The following KIAA0319L variants were observed in gnomAD, a reference collection of about 807,000 sequenced individuals.
KIAA0319L encodes dyslexia-associated protein KIAA0319-like protein.
A neutral mutation model predicts 120.1 loss-of-function variants in KIAA0319L; 55 were observed. That is an observed-to-expected ratio of 0.46 (90% CI 0.37 to 0.57). The LOEUF is 0.57. Ranked by LOEUF, KIAA0319L falls within the 20% of genes least tolerant of loss-of-function variation. KIAA0319L has a pLI of 0.00. For missense variants in KIAA0319L, 1,049 were observed against 1,255.3 expected, an observed-to-expected ratio of 0.84 and a Z score of 2.48; for synonymous variants, 398 against 471.9, an observed-to-expected ratio of 0.84 and a Z score of 2.03.
intron 6 of KIAA0319L, among the ~76,000 whole-genome samples, chr1:35,467,358 A>T (rs900623997): frequency 2.1e-5 from 3 of 142,262 alleles, no homozygotes; most frequent in Admixed American, 6.9e-5. Context: ...AACTTAATAT[A>T]AAAAAAAAAC....
chr1:35,457,231 G>C (rs939801122), intron 9 of KIAA0319L, among the ~76,000 whole-genome samples: 1 of 152,054 alleles, frequency 6.6e-6, no homozygotes, highest in Non-Finnish European at 1.5e-5. Context: ...TGATTCCAAA[G>C]CTCAGAAACC....
intron 2 of KIAA0319L, among the ~76,000 whole-genome samples, chr1:35,530,521 C>T (rs1460386134): frequency 3.3e-5 from 5 of 152,030 alleles, no homozygotes; most frequent in Non-Finnish European, 1.5e-5. Flanking sequence ...TATCTGTGTT[C>T]CCATGCATAT....
chr1:35,439,558 G>C (rs1406595243), intron 20 of KIAA0319L: 1 of 152,256 alleles, frequency 6.6e-6, no homozygotes, highest in Non-Finnish European at 1.5e-5. Context: ...CTAATCATGA[G>C]ACAGCGAGAG....
Position 35,450,263 on chromosome 1 carries a change from G to C in KIAA0319L, c.2214+95C>G, listed in dbSNP as rs1570639052. ...GGATTTCAGAGAACAATCTGGGTTT[G>C]ATATAAGGGACCACTTGATTAAAGC... is the stretch of plus-strand genomic sequence containing the variant. On this transcript the variant is annotated intron_variant, in intron 14 of 20. Coordinates refer to ENST00000325722, the MANE Select transcript of KIAA0319L (RefSeq NM_024874.5). 3 of 1,321,168 alleles carry C rather than the reference G, an allele frequency of 2.3e-6. No individual in the cohort carries two copies. The East Asian group carries it at 6.9e-5, about 31-fold the overall frequency. 81.8% of individuals were successfully genotyped at this position (1,321,168 alleles called of 1,614,324 possible). A position where few individuals can be genotyped will look rare whatever the true frequency, so the allele number is the denominator to read the frequency against.
At chr1:35,454,117 T>C (rs1642262569) in intron 11 of KIAA0319L, 1 of 492,090 alleles carries the variant, frequency 2.0e-6, no homozygotes, top group Admixed American at 3.4e-5. Flanking sequence ...AAACTCTATT[T>C]CCTAGGTCTC....
chr1:35,532,652 T>C (rs1646416495), intron 2 of KIAA0319L, among the ~76,000 whole-genome samples: 1 of 152,204 alleles, frequency 6.6e-6, no homozygotes, highest in South Asian at 2.1e-4. Flanking sequence ...GATGAAAATA[T>C]ACTCCAATTT....
Position 35,470,864 on chromosome 1 carries a change from T to G in KIAA0319L, c.1112A>C (p.Lys371Thr), listed in dbSNP as rs759772487. 2.5e-6 allele frequency: 4 copies of G among 1,602,520 alleles called. No homozygotes were observed. The highest frequency in any genetic ancestry group is 2.6e-6 in the Non-Finnish European group (3 of 1,169,394). Reference sequence around the variant, plus strand: ...GCAAGTGAAAGGAGGCAAATTCACCTTCGATAGTTTGAGGATCTGGGAATG... The same window carrying G: ...GCAAGTGAAAGGAGGCAAATTCACCGTCGATAGTTTGAGGATCTGGGAATG... Reference protein sequence around the residue: ...GKHSQILKLSKLTPGLYEFKV... With the variant: ...GKHSQILKLSTLTPGLYEFKV... Residue 371 changes from lysine to threonine, a missense_variant and splice_region_variant, in exon 6 of 21, where the codon AAG (lysine) becomes ACG (threonine). Transcript: ENST00000325722.
At position 35,434,380 on chromosome 1, in the gene KIAA0319L, C is replaced by G. The variant is rs1324136418; in HGVS notation, c.*514G>C. The G allele has an allele frequency of 1.3e-5, 2 of 152,992 alleles. No individual in the cohort carries two copies. Among genetic ancestry groups the G allele is most frequent in the Non-Finnish European group, 2.9e-5 (2 of 68,692 alleles). The allele number at this position is 152,992 out of a possible 1,614,324, so 9.5% of individuals were successfully genotyped here. On this transcript the variant is annotated 3_prime_UTR_variant, in exon 21 of 21. Transcript: ENST00000325722. The stretch of plus-strand genomic sequence containing the variant: ...GGGATTACAGGCGTGAGCCACCGCG[C>G]CCGGCCATCATTTCTATGCTACCAT...
Position 35,555,393 on chromosome 1 carries a change from G to C in KIAA0319L, c.-28-874C>G, listed in dbSNP as rs181422469. On this transcript the variant is annotated intron_variant, in intron 1 of 20. Transcript: ENST00000325722. The stretch of plus-strand genomic sequence containing the variant: ...CCACGGCCAGCATACAGGGAGATCA[G>C]CATTGCCTGGGCTGGATACCAATAC... 2.6e-3 allele frequency among the ~76,000 whole-genome samples: 400 copies of C among 152,308 alleles called. 1 individual carries two copies. Among genetic ancestry groups the C allele is most frequent in the Non-Finnish European group, 4.4e-3 (299 of 68,032 alleles).
At chr1:35,477,087 T>C (rs935733417) in intron 4 of KIAA0319L, among the ~76,000 whole-genome samples, 1 of 151,804 alleles carries the variant, frequency 6.6e-6, no homozygotes, top group African/African-American at 2.4e-5. Flanking sequence ...ACAAACGGGA[T>C]AACATCAAAT....
chr1:35,442,373 G>T, intron 18 of KIAA0319L, 37 bp from the exon 19 acceptor site: 1 of 1,513,666 alleles, frequency 6.6e-7, no homozygotes, highest in South Asian at 1.1e-5. Context: ...GCTGTGGAGG[G>T]AGAGGCTGGG....
At chr1:35,524,670 G>A (rs755695522) in intron 2 of KIAA0319L, among the ~76,000 whole-genome samples, 1 of 152,104 alleles carries the variant, frequency 6.6e-6, no homozygotes, top group Non-Finnish European at 1.5e-5. Context: ...GTAGAGCCTA[G>A]GAAAAGAAAG....
In KIAA0319L at chr1:35,474,919, T is replaced by C; in HGVS notation, c.914-13A>G. 1.4e-6 allele frequency: 2 copies of C among 1,385,098 alleles called. No homozygotes were observed. The highest frequency in any genetic ancestry group is 2.1e-6 in the Non-Finnish European group (2 of 974,918). 85.8% of individuals were successfully genotyped at this position (1,385,098 alleles called of 1,614,324 possible). On this transcript the variant is annotated splice_polypyrimidine_tract_variant and intron_variant, in intron 4 of 20. Coordinates refer to ENST00000325722, the MANE Select transcript of KIAA0319L (RefSeq NM_024874.5). ...AGTTCCTTTATAACTGGAAACAAAG[T>C]AAATATACCAGAGATAAGAAATAGA...
At chr1:35,483,081 T>C (rs980372162) in intron 3 of KIAA0319L, among the ~76,000 whole-genome samples, 8 of 152,242 alleles carry the variant, frequency 5.3e-5, no homozygotes, top group African/African-American at 1.7e-4. Context: ...TTTTGCCTGC[T>C]TTTTAAAATG....
At chr1:35,455,923 C>G in intron 10 of KIAA0319L, 90 bp downstream of exon 10, 1 of 1,004,200 alleles carries the variant, frequency 1.0e-6, no homozygotes, top group East Asian at 2.4e-5. Flanking sequence ...GCCCCTAAAG[C>G]TTTCTCAGTT....
At chr1:35,491,312 T>G (rs1356847093) in intron 3 of KIAA0319L, among the ~76,000 whole-genome samples, 1 of 152,124 alleles carries the variant, frequency 6.6e-6, no homozygotes, top group Non-Finnish European at 1.5e-5. Flanking sequence ...TTTCCCAAAT[T>G]TGAAGAAAAC....
chr1:35,454,970 G>A lies in KIAA0319L; in HGVS notation c.1657-485C>T, dbSNP rs868725591. On this transcript the variant is annotated intron_variant, in intron 10 of 20. Transcript: ENST00000325722. Reference sequence around the variant, plus strand: ...TACTGTCTCCTTCAGGTCTGTACAGGTTCTGCAACAACCTAACATAACATT... The same window carrying A: ...TACTGTCTCCTTCAGGTCTGTACAGATTCTGCAACAACCTAACATAACATT... 4.7e-4 allele frequency among the ~76,000 whole-genome samples: 72 copies of A among 152,300 alleles called. 2 individuals carry two copies. The Middle Eastern group carries it at 0.01, about 22-fold the overall frequency.
intron 3 of KIAA0319L, among the ~76,000 whole-genome samples, chr1:35,498,127 G>C (rs1409558826): frequency 1.3e-5 from 2 of 152,166 alleles, no homozygotes; most frequent in Admixed American, 6.5e-5. Context: ...GAGGTCAGGA[G>C]TTCGAGACCA....
intron 3 of KIAA0319L, among the ~76,000 whole-genome samples, chr1:35,481,605 C>G (rs570702512): frequency 6.6e-6 from 1 of 151,370 alleles, no homozygotes; most frequent in Non-Finnish European, 1.5e-5. Flanking sequence ...AAATTTTTAC[C>G]CCCCCTTTTT....
Sources: gnomAD v4.1 joint callset for allele counts (sites outside exome capture counted in the v4.1 genomes callset) on GRCh38, gnomAD v4.1.1 for gene constraint, MANE v1.5 for transcripts, NCBI Gene and HGNC (gene_info 2026-07-23, HGNC 2026-07-21) for gene names.